The following SRD5A2 variants were observed in gnomAD, a reference collection of about 807,000 sequenced individuals.
SRD5A2 encodes 3-oxo-5-alpha-steroid 4-dehydrogenase 2.
A neutral mutation model predicts 27.4 loss-of-function variants in SRD5A2; 30 were observed. The ratio of observed to expected loss-of-function variants is 1.10; its 90% CI spans 0.82 to 1.49. The LOEUF (loss-of-function observed/expected upper bound fraction) is 1.49. SRD5A2 is among the 40% of genes most tolerant of loss of function. SRD5A2 has a pLI of 0.00. For missense variants in SRD5A2, 348 were observed against 323.4 expected, an observed-to-expected ratio of 1.08 and a Z score of -0.58; for synonymous variants, 141 against 133.6, an observed-to-expected ratio of 1.06 and a Z score of -0.38.
intron 1 of SRD5A2, among the ~76,000 whole-genome samples, chr2:31,566,643 G>A (rs1180151102): frequency 6.6e-6 from 1 of 152,162 alleles, no homozygotes; most frequent in Non-Finnish European, 1.5e-5. Flanking sequence ...GAAATAGAAA[G>A]ATGACAATTT....
At chr2:31,572,092 A>G (rs1572654898) in intron 1 of SRD5A2, among the ~76,000 whole-genome samples, 1 of 152,212 alleles carries the variant, frequency 6.6e-6, no homozygotes, top group African/African-American at 2.4e-5. Flanking sequence ...ATATCCATCA[A>G]TGGTGGACTG....
the SRD5A2 span, among the ~76,000 whole-genome samples, chr2:31,602,722 C>T: frequency 2.0e-5 from 3 of 151,588 alleles, no homozygotes; most frequent in East Asian, 1.9e-4. Context: ...ATGGAACAAC[C>T]GAACAGAATA....
At chr2:31,620,840 T>C in the SRD5A2 span, among the ~76,000 whole-genome samples, 2 of 148,068 alleles carry the variant, frequency 1.4e-5, no homozygotes, top group East Asian at 3.9e-4. Context: ...TCTATAAAAC[T>C]GCATGTGAAT....
the SRD5A2 span, among the ~76,000 whole-genome samples, chr2:31,615,732 C>T: frequency 2.6e-5 from 4 of 152,292 alleles, no homozygotes; most frequent in South Asian, 8.3e-4. Flanking sequence ...AAATGTTAAT[C>T]CCCAAGACAA....
In SRD5A2 at chr2:31,523,444, G is replaced by T; in HGVS notation, c.*2752C>A. 4.5e-6 allele frequency: 1 copy of T among 219,804 alleles called. No individual in the cohort carries two copies. Among genetic ancestry groups the T allele is most frequent in the African/African-American group, 2.2e-5 (1 of 44,722 alleles). The allele number at this position is 219,804 out of a possible 1,614,324, so 13.6% of individuals were successfully genotyped here. On this transcript the variant is annotated 3_prime_UTR_variant, in exon 5 of 5. Coordinates refer to ENST00000622030, the MANE Select transcript of SRD5A2 (RefSeq NM_000348.4). Reference sequence around the variant, plus strand: ...CTCAAAGGGACAAAATGAGATGGCTGCTCTGACCAGCTCTGTACCAGCTGT... The same window carrying T: ...CTCAAAGGGACAAAATGAGATGGCTTCTCTGACCAGCTCTGTACCAGCTGT...
At chr2:31,632,166 T>C in the SRD5A2 span, among the ~76,000 whole-genome samples, 4 of 151,820 alleles carry the variant, frequency 2.6e-5, no homozygotes, top group Admixed American at 2.6e-4. Context: ...AGAAACCCTA[T>C]TGAACTTGGC....
intron 3 of SRD5A2, among the ~76,000 whole-genome samples, chr2:31,530,255 T>A (rs1216652497): frequency 6.6e-6 from 1 of 152,220 alleles, no homozygotes; most frequent in Non-Finnish European, 1.5e-5. Flanking sequence ...CTATTATAAT[T>A]CAAAAGTTGG....
chr2:31,626,278 A>G, the SRD5A2 span, among the ~76,000 whole-genome samples: 1 of 152,182 alleles, frequency 6.6e-6, no homozygotes, highest in African/African-American at 2.4e-5. Flanking sequence ...GGGATTTTCT[A>G]AATATGCAAT....
the SRD5A2 span, among the ~76,000 whole-genome samples, chr2:31,645,961 C>T: frequency 6.6e-6 from 1 of 152,112 alleles, no homozygotes; most frequent in African/African-American, 2.4e-5. Flanking sequence ...CATCTTGAGG[C>T]CGTGTCTATC....
At chr2:31,534,924 G>A (rs1018321795) in intron 1 of SRD5A2, among the ~76,000 whole-genome samples, 3 of 152,096 alleles carry the variant, frequency 2.0e-5, no homozygotes, top group Admixed American at 1.3e-4. Context: ...CTGTGAGGAT[G>A]AAATTATCTA....
Position 31,533,698 on chromosome 2 carries a change from G to A in SRD5A2, c.350C>T (p.Ala117Val), listed in dbSNP as rs762022166. ...YPAILILRGT[A>V]FCTGNGVLQG... is the part of the protein sequence containing the mutation. The stretch of plus-strand genomic sequence containing the variant: ...AAGGACTCCATTTCCAGTGCAGAAG[G>A]CAGTGCCTCTGAGAATGAGTATAGC... Residue 117 changes from alanine to valine, a missense_variant, in exon 2 of 5, where the codon GCC (alanine) becomes GTC (valine). Ala to Val is a moderately conservative substitution (Grantham distance 64). Coordinates refer to ENST00000622030, the MANE Select transcript of SRD5A2 (RefSeq NM_000348.4). The A allele has an allele frequency of 1.3e-6, 2 of 1,590,506 alleles. No individual in the cohort carries two copies. Among genetic ancestry groups the A allele is most frequent in the Admixed American group, 1.8e-5 (1 of 56,762 alleles).
At chr2:31,577,332 T>A (rs1039933009) in intron 1 of SRD5A2, among the ~76,000 whole-genome samples, 2 of 151,960 alleles carry the variant, frequency 1.3e-5, no homozygotes, top group African/African-American at 4.8e-5. Context: ...GACCTAACTA[T>A]GCAATCTCAG....
chr2:31,563,880 T>C (rs1353103540), intron 1 of SRD5A2, among the ~76,000 whole-genome samples: 2 of 152,118 alleles, frequency 1.3e-5, no homozygotes, highest in African/African-American at 4.8e-5. Context: ...AGCCCTAGCA[T>C]TAACACTCTT....
At position 31,580,832 on chromosome 2, in the gene SRD5A2, C is replaced by T. The variant is rs1305552093; in HGVS notation, c.69G>A (p.Leu23=). ...GSATLVALGA[L]ALYVAKPSGY... ...CGGAGGGCTTCGCGACGTACAAGGC[C>T]AGTGCCCCAAGGGCGACCAAAGTGG... Residue 23 remains leucine (L), a synonymous_variant, in exon 1 of 5, where the codon CTG becomes CTA. Coordinates refer to ENST00000622030, the MANE Select transcript of SRD5A2 (RefSeq NM_000348.4). The T allele has an allele frequency of 6.2e-7, 1 of 1,612,516 alleles. No homozygotes were observed. The highest frequency in any genetic ancestry group is 2.2e-5 in the East Asian group (1 of 44,848).
chr2:31,619,501 T>C, the SRD5A2 span, among the ~76,000 whole-genome samples: 6 of 152,128 alleles, frequency 3.9e-5, no homozygotes, highest in Admixed American at 6.6e-5. Flanking sequence ...CTTTAGGTCT[T>C]TGAAGAATTG....
At chr2:31,654,243 C>T in the SRD5A2 span, among the ~76,000 whole-genome samples, 1 of 152,116 alleles carries the variant, frequency 6.6e-6, no homozygotes, top group East Asian at 1.9e-4. Flanking sequence ...TGGGCTGAAA[C>T]CACATAAGCA....
At chr2:31,609,458 T>C in the SRD5A2 span, among the ~76,000 whole-genome samples, 6 of 152,130 alleles carry the variant, frequency 3.9e-5, no homozygotes, top group Non-Finnish European at 7.4e-5. Flanking sequence ...AAAGTCAATG[T>C]ATACATCTAT....
At chr2:31,613,029 G>C in the SRD5A2 span, among the ~76,000 whole-genome samples, 9 of 152,192 alleles carry the variant, frequency 5.9e-5, 1 homozygote, top group South Asian at 1.2e-3. Context: ...AAATGAATAA[G>C]AGACTGAAAC....
At chr2:31,598,092 T>C in the SRD5A2 span, among the ~76,000 whole-genome samples, 1 of 152,080 alleles carries the variant, frequency 6.6e-6, no homozygotes. Flanking sequence ...AAATGTGGTA[T>C]ATATACCATG....
Sources: gnomAD v4.1 joint callset for allele counts (sites outside exome capture counted in the v4.1 genomes callset) on GRCh38, gnomAD v4.1.1 for gene constraint, MANE v1.5 for transcripts, NCBI Gene and HGNC (gene_info 2026-07-23, HGNC 2026-07-21) for gene names.